Variants in CCDC60 observed in about 807,000 individuals in gnomAD.
CCDC60 encodes coiled-coil domain-containing protein 60.
In CCDC60, 54 loss-of-function variants were observed where a neutral mutation model predicts 63.5. That is an observed-to-expected ratio of 0.85 (90% CI 0.68 to 1.07). CCDC60 has a LOEUF of 1.07. Among genes scored for constraint, CCDC60 ranks in the 50% least tolerant of loss-of-function variants. The probability of loss-of-function intolerance (pLI) is 0.00; values close to 1 mark genes in which losing one functional copy is unlikely to be tolerated. For synonymous variants in CCDC60, 206 were observed against 238.8 expected, an observed-to-expected ratio of 0.86 and a Z score of 1.27; for missense variants, 651 against 684.3, an observed-to-expected ratio of 0.95 and a Z score of 0.54.
intron 2 of CCDC60, among the ~76,000 whole-genome samples, chr12:119,468,232 C>T (rs1193782431): frequency 6.6e-6 from 1 of 152,058 alleles, no homozygotes; most frequent in African/African-American, 2.4e-5. Flanking sequence ...GTGGGGGTTG[C>T]AGTGAGCCGA....
chr12:119,373,740 T>C (rs1351602362), intron 1 of CCDC60, among the ~76,000 whole-genome samples: 2 of 152,128 alleles, frequency 1.3e-5, no homozygotes, highest in African/African-American at 4.8e-5. Flanking sequence ...CAAGTTCTCA[T>C]TAATGGAAGC....
chr12:119,463,130 C>T (rs939013907), intron 2 of CCDC60, among the ~76,000 whole-genome samples: 1 of 152,160 alleles, frequency 6.6e-6, no homozygotes, highest in Non-Finnish European at 1.5e-5. Flanking sequence ...AGCCTCAGTG[C>T]CTGTTCTGTT....
intron 2 of CCDC60, among the ~76,000 whole-genome samples, chr12:119,444,838 G>C (rs1950511858): frequency 6.6e-6 from 1 of 152,180 alleles, no homozygotes; most frequent in Non-Finnish European, 1.5e-5. Flanking sequence ...CCTTATCCCT[G>C]CTCGATCTAA....
At chr12:119,459,670 C>T (rs1950820507) in intron 2 of CCDC60, among the ~76,000 whole-genome samples, 1 of 152,152 alleles carries the variant, frequency 6.6e-6, no homozygotes, top group African/African-American at 2.4e-5. Context: ...ATTCTGATGG[C>T]CCTGCTTGCA....
At chr12:119,486,214 G>A (rs549746913) in intron 4 of CCDC60, among the ~76,000 whole-genome samples, 21 of 152,314 alleles carry the variant, frequency 1.4e-4, no homozygotes, top group Non-Finnish European at 1.6e-4. Flanking sequence ...TAGGGCCCAA[G>A]AAGGTGTTAT....
intron 2 of CCDC60, among the ~76,000 whole-genome samples, chr12:119,463,097 T>A (rs909646999): frequency 2.6e-5 from 4 of 152,186 alleles, no homozygotes; most frequent in African/African-American, 7.2e-5. Flanking sequence ...GTGCTGGGAT[T>A]ACAAGCATGA....
intron 1 of CCDC60, among the ~76,000 whole-genome samples, chr12:119,422,744 G>A (rs552651403): frequency 6.6e-6 from 1 of 152,278 alleles, no homozygotes; most frequent in East Asian, 1.9e-4. Context: ...GATCCAAACC[G>A]TATCAGATGG....
At chr12:119,459,154 A>T (rs1950807845) in intron 2 of CCDC60, among the ~76,000 whole-genome samples, 1 of 152,178 alleles carries the variant, frequency 6.6e-6, no homozygotes, top group Non-Finnish European at 1.5e-5. Context: ...AGTAAAGCCA[A>T]CTGGAAGATT....
At chr12:119,481,988 A>G (rs540040042) in intron 4 of CCDC60, among the ~76,000 whole-genome samples, 68 of 121,956 alleles carry the variant, frequency 5.6e-4, no homozygotes, top group East Asian at 4.5e-3. Context: ...ATATATATGT[A>G]TATATATATG....
At chr12:119,520,581 A>ACC (rs1369013972) in intron 9 of CCDC60, among the ~76,000 whole-genome samples, 1 of 142,128 alleles carries the variant, frequency 7.0e-6, no homozygotes, top group African/African-American at 2.6e-5. Context: ...TCACTCTGTC[A>ACC]CCCAGGCTGG....
At chr12:119,402,506 ACT>A (rs1956410434) in intron 1 of CCDC60, 1 of 152,010 alleles carries the variant, frequency 6.6e-6, no homozygotes, top group African/African-American at 2.4e-5. Context: ...TCTGTTCCTT[ACT>A]CTGTCATGTA....
intron 1 of CCDC60, among the ~76,000 whole-genome samples, chr12:119,411,949 C>T (rs139537757): frequency 6.6e-6 from 1 of 152,202 alleles, no homozygotes; most frequent in Admixed American, 6.5e-5. Context: ...GTGTCTCCTA[C>T]TAGACCACCA....
intron 7 of CCDC60, among the ~76,000 whole-genome samples, chr12:119,512,404 T>TAAAATGTG (rs1463465778): frequency 3.1e-4 from 47 of 152,072 alleles, no homozygotes; most frequent in African/African-American, 1.0e-3. Context: ...AAAAGACAAA[T>TAAAATGTG]AAAATGTGGC....
intron 1 of CCDC60, among the ~76,000 whole-genome samples, chr12:119,344,373 C>T (rs1297311958): frequency 2.0e-5 from 3 of 152,104 alleles, no homozygotes; most frequent in East Asian, 1.9e-4. Context: ...TAAATGATGC[C>T]GTCATGTACC....
intron 1 of CCDC60, among the ~76,000 whole-genome samples, chr12:119,400,603 A>C (rs1391533380): frequency 6.6e-6 from 1 of 152,236 alleles, no homozygotes; most frequent in African/African-American, 2.4e-5. Flanking sequence ...GGTTTAATCC[A>C]GTGGTTCTCA....
In CCDC60 at chr12:119,488,740, CCTCT is replaced by C. The variant is rs749191541; in HGVS notation, c.450-14_450-11del. ...GTTCTAACAGGATCCCACTGTGTTC[CCTCT>C]CTCTGTCTTTGCAGCGAGCCCCTCT... On this transcript the variant is annotated splice_polypyrimidine_tract_variant and intron_variant, in intron 4 of 13. Transcript: ENST00000327554. 19 of 1,608,354 alleles carry C rather than the reference CCTCT, an allele frequency of 1.2e-5. No homozygotes were observed. The highest frequency in any genetic ancestry group is 3.3e-5 in the Admixed American group (2 of 59,980).
rs1244395061 is a variant in CCDC60 at position 119,355,381 on chromosome 12, G to A, written c.90+20115G>A. ...GTTTTCTTCCTCCCTAACTCTGTGC[G>A]GTTCCACAGTCAGAGCCTTCATCAT... On this transcript the variant is annotated intron_variant, in intron 1 of 13. Transcript: ENST00000327554. 7.9e-5 allele frequency among the ~76,000 whole-genome samples: 12 copies of A among 152,248 alleles called. 1 individual carries two copies. Among genetic ancestry groups the A allele is most frequent in the East Asian group, 3.9e-4 (2 of 5,180 alleles).
chr12:119,417,438 C>A (rs531139620), intron 1 of CCDC60, among the ~76,000 whole-genome samples: 2 of 152,114 alleles, frequency 1.3e-5, no homozygotes, highest in Non-Finnish European at 2.9e-5. Context: ...CTTTCTACCC[C>A]CCTTTTTCCT....
intron 2 of CCDC60, among the ~76,000 whole-genome samples, chr12:119,464,457 C>A (rs1028416717): frequency 6.6e-6 from 1 of 151,516 alleles, no homozygotes; most frequent in Admixed American, 6.6e-5. Context: ...AGAGAAGAAC[C>A]TTTCTGTCAA....
Sources: allele counts gnomAD v4.1 joint callset (sites outside exome capture counted in the v4.1 genomes callset), GRCh38; gene constraint gnomAD v4.1.1; transcripts MANE v1.5; gene names NCBI Gene and HGNC (gene_info 2026-07-23, HGNC 2026-07-21).